The following STAU1 variants were observed in gnomAD, a reference collection of about 807,000 sequenced individuals.
STAU1 encodes staufen double-stranded RNA binding protein 1.
Under a neutral mutation model 62.9 loss-of-function variants are expected in STAU1, and 13 were observed. The observed-to-expected ratio is 0.21, with a 90% CI of 0.13 to 0.33. The LOEUF (loss-of-function observed/expected upper bound fraction) is 0.33, where lower values mean the gene tolerates loss of function less well. Among genes scored for constraint, STAU1 ranks in the 10% least tolerant of loss-of-function variants. The pLI is 1.00. For synonymous variants in STAU1, 269 were observed against 265.1 expected (o/e 1.01, Z -0.14); for missense variants, 571 against 712.1 (o/e 0.80, Z 2.25).
chr20:49,121,306 G>A (rs1266695299), intron 8 of STAU1, among the ~76,000 whole-genome samples: 1 of 152,086 alleles, frequency 6.6e-6, no homozygotes, highest in Non-Finnish European at 1.5e-5. Context: ...TACTCGGGAG[G>A]CTGAGGCAGG....
At position 49,114,015 on chromosome 20, in the gene STAU1, TA is replaced by T. The variant is rs1207987393; in HGVS notation, c.*862del. 6.6e-6 allele frequency: 1 copy of T among 152,670 alleles called. No individual in the cohort carries two copies. The highest frequency in any genetic ancestry group is 1.5e-5 in the Non-Finnish European group (1 of 68,044). The allele number at this position is 152,670 out of a possible 1,614,324, so 9.5% of individuals were successfully genotyped here. On this transcript the variant is annotated 3_prime_UTR_variant, in exon 14 of 14. Coordinates refer to ENST00000371856, the MANE Select transcript of STAU1 (RefSeq NM_017453.4). Reference sequence around the variant, plus strand: ...TAAAATTCCTAAATTGTCCAATTTATACAACTGTGGGAGACTTATTCAAGGT... The same window carrying T: ...TAAAATTCCTAAATTGTCCAATTTATCAACTGTGGGAGACTTATTCAAGGT...
intron 5 of STAU1, among the ~76,000 whole-genome samples, chr20:49,140,028 A>G (rs1034896494): frequency 2.0e-5 from 3 of 151,836 alleles, no homozygotes; most frequent in Admixed American, 1.3e-4. Flanking sequence ...TCTACTAAAA[A>G]TACAAAAATT....
the STAU1 span, among the ~76,000 whole-genome samples, chr20:49,203,154 G>A: frequency 6.6e-6 from 1 of 152,038 alleles, no homozygotes; most frequent in Non-Finnish European, 1.5e-5. Context: ...GGTGGGCATG[G>A]TGGCTCACAC....
At chr20:49,162,556 C>T (rs1039131120) in intron 3 of STAU1, among the ~76,000 whole-genome samples, 5 of 151,994 alleles carry the variant, frequency 3.3e-5, no homozygotes, top group Non-Finnish European at 5.9e-5. Context: ...AGGCGGATCA[C>T]GAGGTCAGAA....
In STAU1 at chr20:49,118,020, G is replaced by A. The variant is rs367918829; in HGVS notation, c.1266C>T (p.Pro422=). The A allele has an allele frequency of 1.5e-4, 244 of 1,613,980 alleles. No individual in the cohort carries two copies. The highest frequency in any genetic ancestry group is 1.9e-4 in the Non-Finnish European group (220 of 1,180,026). Residue 422 remains proline (P), a synonymous_variant, in exon 11 of 14, where the codon CCC becomes CCT. Coordinates refer to ENST00000371856, the MANE Select transcript of STAU1 (RefSeq NM_017453.4). ...TAACTCCTACAGCCTGGGCGACCTC[G>A]GGCACCATGGGAAGAATTCCAGCAG... ...QLPAGILPMV[P]EVAQAVGVSQ...
chr20:49,118,267 T>C (rs2092379188), intron 10 of STAU1, 66 bp downstream of exon 10: 2 of 1,475,542 alleles, frequency 1.4e-6, no homozygotes, highest in Non-Finnish European at 1.9e-6. Context: ...GCTCCTGCTG[T>C]TATTCAGGAC....
intron 1 of STAU1, among the ~76,000 whole-genome samples, chr20:49,176,233 A>G (rs988236968): frequency 2.6e-5 from 4 of 152,210 alleles, no homozygotes; most frequent in African/African-American, 7.2e-5. Context: ...ACCCAAATAC[A>G]ATTTTATGGA....
At chr20:49,211,109 A>G in the STAU1 span, among the ~76,000 whole-genome samples, 2 of 152,288 alleles carry the variant, frequency 1.3e-5, no homozygotes, top group African/African-American at 4.8e-5. Flanking sequence ...TACTTAGTAT[A>G]ATGTTTTTGA....
intron 1 of STAU1, among the ~76,000 whole-genome samples, chr20:49,176,494 T>C (rs1260910268): frequency 6.6e-6 from 1 of 152,208 alleles, no homozygotes; most frequent in Non-Finnish European, 1.5e-5. Flanking sequence ...CTTACAACAC[T>C]AAGTGTTTTT....
chr20:49,145,129 A>C (rs2146154598), intron 5 of STAU1, among the ~76,000 whole-genome samples: 1 of 152,338 alleles, frequency 6.6e-6, no homozygotes, highest in Non-Finnish European at 1.5e-5. Context: ...AAAGCAGCTT[A>C]AAAAATGAAA....
chr20:49,113,944 A>T lies in STAU1; in HGVS notation c.*934T>A, dbSNP rs187708583. Reference sequence around the variant, plus strand: ...CATTTAAGTCCTGTTTGCATTAACAAAAATAAAAATGAAATAAAAATGGAA... The same window carrying T: ...CATTTAAGTCCTGTTTGCATTAACATAAATAAAAATGAAATAAAAATGGAA... On this transcript the variant is annotated 3_prime_UTR_variant, in exon 14 of 14. Transcript: ENST00000371856. 1.3e-5 allele frequency: 2 copies of T among 152,776 alleles called. No individual in the cohort carries two copies. The highest frequency in any genetic ancestry group is 2.9e-5 in the Non-Finnish European group (2 of 68,036). 9.5% of individuals were successfully genotyped at this position (152,776 alleles called of 1,614,324 possible).
At chr20:49,182,894 A>C (rs2093743876) in intron 1 of STAU1, among the ~76,000 whole-genome samples, 1 of 152,174 alleles carries the variant, frequency 6.6e-6, no homozygotes, top group African/African-American at 2.4e-5. Context: ...AGGGAGGCAA[A>C]AATAGAAAGT....
intron 8 of STAU1, among the ~76,000 whole-genome samples, chr20:49,122,779 T>A (rs1447704311): frequency 2.6e-5 from 4 of 151,922 alleles, no homozygotes; most frequent in Admixed American, 1.3e-4. Context: ...TAGCTGGGCA[T>A]GGTGGCACGT....
chr20:49,214,812 C>G, the STAU1 span, among the ~76,000 whole-genome samples: 3 of 152,166 alleles, frequency 2.0e-5, no homozygotes, highest in Non-Finnish European at 2.9e-5. Flanking sequence ...AATTACTTCC[C>G]AAAGCTCCCA....
chr20:49,156,180 C>T (rs1455676117), intron 3 of STAU1, among the ~76,000 whole-genome samples: 2 of 152,220 alleles, frequency 1.3e-5, no homozygotes, highest in Admixed American at 6.5e-5. Context: ...ACCACACTGA[C>T]TTGATGTGAC....
chr20:49,170,865 C>T (rs1396274386), intron 2 of STAU1, among the ~76,000 whole-genome samples: 1 of 151,562 alleles, frequency 6.6e-6, no homozygotes, highest in Non-Finnish European at 1.5e-5. Context: ...AAACATTTCA[C>T]TAAATGTCTC....
the STAU1 span, among the ~76,000 whole-genome samples, chr20:49,213,657 A>G: frequency 6.6e-6 from 1 of 152,238 alleles, no homozygotes; most frequent in Non-Finnish European, 1.5e-5. Context: ...ATGAGTCACA[A>G]TTCAGTTTCA....
At chr20:49,142,063 G>A (rs190738571) in intron 5 of STAU1, among the ~76,000 whole-genome samples, 2,299 of 150,480 alleles carry the variant, frequency 0.015, 65 homozygotes, top group South Asian at 0.08. Flanking sequence ...ATCTCAACAA[G>A]AACAACAACA....
chr20:49,196,192 A>AT, the STAU1 span, among the ~76,000 whole-genome samples: 4 of 148,116 alleles, frequency 2.7e-5, no homozygotes, highest in Non-Finnish European at 6.0e-5. Context: ...ATCCCAGCAC[A>AT]TTGGGAGGCC....
Sources: allele counts gnomAD v4.1 joint callset (sites outside exome capture counted in the v4.1 genomes callset), GRCh38; gene constraint gnomAD v4.1.1; transcripts MANE v1.5; gene names NCBI Gene and HGNC (gene_info 2026-07-23, HGNC 2026-07-21).